DNMT3A: variants seen among roughly 807,000 people sequenced by gnomAD.
The protein encoded by DNMT3A is DNA (cytosine-5)-methyltransferase 3A.
DNMT3A carries 267 observed loss-of-function variants against 117.6 expected under a neutral mutation model. That is an observed-to-expected ratio of 2.27 (90% CI 2.05 to 2.51). DNMT3A has a LOEUF of 2.51. Ranked by LOEUF, DNMT3A falls within the 30% of genes most tolerant of loss-of-function variation. The pLI is 0.00. For synonymous variants in DNMT3A, 432 were observed against 474.8 expected, an observed-to-expected ratio of 0.91 and a Z score of 1.17; for missense variants, 1,029 against 1,260.2, an observed-to-expected ratio of 0.82 and a Z score of 2.78.
chr2:25,286,893 C>T lies in DNMT3A; in HGVS notation c.178-4182G>A, dbSNP rs928711268. Among the ~76,000 whole-genome samples the T allele has an allele frequency of 1.3e-5, 2 of 152,142 alleles. No homozygotes were observed. The highest frequency in any genetic ancestry group is 4.8e-5 in the African/African-American group (2 of 41,364). On this transcript the variant is annotated intron_variant, in intron 3 of 22. Coordinates refer to ENST00000321117, the MANE Select transcript of DNMT3A (RefSeq NM_022552.5). The surrounding 1 kb of genome is among the most constrained non-coding windows in gnomAD (Gnocchi z 4.3). ...AGCCACTCTCCTCCCCTCCTTTCCC[C>T]TGTCTCCACAGCTTGTTGACCTCTG...
rs74580656 is a variant in DNMT3A, at chr2:25,228,920, C to G, written c.*5359G>C. The G allele has an allele frequency of 6.6e-6, 1 of 152,192 alleles. No homozygotes were observed. Among genetic ancestry groups the G allele is most frequent in the East Asian group, 1.9e-4 (1 of 5,194 alleles). The allele number at this position is 152,192 out of a possible 1,614,324, so 9.4% of individuals were successfully genotyped here. Reference sequence around the variant, plus strand: ...TGAGGGAGCCGCCCTCCTCACCCCCCAGTGGAGCTGAGCCAGGGAGCTTTC... The same window carrying G: ...TGAGGGAGCCGCCCTCCTCACCCCCGAGTGGAGCTGAGCCAGGGAGCTTTC... On this transcript the variant is annotated 3_prime_UTR_variant, in exon 23 of 23. Coordinates refer to ENST00000321117, the MANE Select transcript of DNMT3A (RefSeq NM_022552.5).
At chr2:25,284,481 C>A (rs2032133357) in intron 3 of DNMT3A, among the ~76,000 whole-genome samples, 1 of 151,376 alleles carries the variant, frequency 6.6e-6, no homozygotes, top group Admixed American at 6.6e-5. Context: ...ATGGCAAAAC[C>A]CTGTTTCTAC....
chr2:25,306,995 A>T lies in DNMT3A; in HGVS notation c.73-6752T>A, dbSNP rs2033812355. 7.2e-6 allele frequency among the ~76,000 whole-genome samples: 1 copy of T among 138,024 alleles called. No individual in the cohort carries two copies. The highest frequency in any genetic ancestry group is 7.1e-5 in the Admixed American group (1 of 14,130). The allele number at this position is 138,024 out of a possible 152,430, so 90.5% of individuals were successfully genotyped here. ...TTAATAGAGGGGAAGATCCAGATAAAACTACTTTGTAGCCGTGTGGCCTCT... is the reference window on the plus strand; with the variant it reads ...TTAATAGAGGGGAAGATCCAGATAATACTACTTTGTAGCCGTGTGGCCTCT... On this transcript the variant is annotated intron_variant, in intron 2 of 22. Transcript: ENST00000321117. This position sits in a 1 kb window ranked among gnomAD's most constrained non-coding sequence, Gnocchi z 4.1.
Position 25,232,119 on chromosome 2 carries a change from C to T in DNMT3A, c.*2160G>A, listed in dbSNP as rs1258652148. On this transcript the variant is annotated 3_prime_UTR_variant, in exon 23 of 23. Transcript: ENST00000321117. The surrounding 1 kb of genome is among the most constrained non-coding windows in gnomAD (Gnocchi z 4.1). Reference sequence around the variant, plus strand: ...CCCCATAATATTTCTTAAACATGACCCTATCTATGTATTTATAGAGCGCCT... The same window carrying T: ...CCCCATAATATTTCTTAAACATGACTCTATCTATGTATTTATAGAGCGCCT... 3.9e-5 allele frequency: 6 copies of T among 152,124 alleles called. No homozygotes were observed. The highest frequency in any genetic ancestry group is 3.9e-4 in the Admixed American group (6 of 15,270). 9.4% of individuals were successfully genotyped at this position (152,124 alleles called of 1,614,324 possible).
chr2:25,263,466 G>C (rs1006324085), intron 6 of DNMT3A, among the ~76,000 whole-genome samples: 1 of 152,098 alleles, frequency 6.6e-6, no homozygotes, highest in South Asian at 2.1e-4. Flanking sequence ...CCCCTACCCC[G>C]CCACTAGCAT....
At chr2:25,320,819 CA>C (rs1302482321) in intron 1 of DNMT3A, among the ~76,000 whole-genome samples, 2 of 152,054 alleles carry the variant, frequency 1.3e-5, no homozygotes, top group Non-Finnish European at 2.9e-5. Flanking sequence ...GTATGTACCA[CA>C]AAATTAATGC....
At chr2:25,239,309 TCTTA>T in intron 19 of DNMT3A, 94 bp from the exon 20 acceptor site, 1 of 1,088,114 alleles carries the variant, frequency 9.2e-7, no homozygotes, top group Non-Finnish European at 1.4e-6. Context: ...CCTCAAAGCC[TCTTA>T]CTTCTCTCTC....
intron 1 of DNMT3A, chr2:25,328,545 A>G: frequency 2.3e-6 from 1 of 438,594 alleles, no homozygotes; most frequent in Non-Finnish European, 4.9e-6. Context: ...TCTCAAAGAG[A>G]CGAGGTCAGA....
intron 4 of DNMT3A, among the ~76,000 whole-genome samples, chr2:25,276,086 C>T (rs993078277): frequency 6.6e-6 from 1 of 152,118 alleles, no homozygotes; most frequent in Non-Finnish European, 1.5e-5. Context: ...AACAAGACCC[C>T]GGTGAAGCAA....
intron 14 of DNMT3A, 101 bp from the exon 15 acceptor site, chr2:25,244,439 G>C: frequency 6.4e-7 from 1 of 1,573,780 alleles, no homozygotes; most frequent in Non-Finnish European, 8.7e-7. Flanking sequence ...AGCATGGCTA[G>C]GGGGTGGAGG....
rs779527004 is a variant in DNMT3A at position 25,247,558 on chromosome 2, C to G, written c.1014+33G>C. ...GGCCCTGGGATCAAGAACCTTCCCC[C>G]ACCCCAGGCTACTGCCAAACCCCAC... On this transcript the variant is annotated intron_variant, in intron 8 of 22. Transcript: ENST00000321117. The surrounding 1 kb of genome is among the most constrained non-coding windows in gnomAD (Gnocchi z 5.6). The G allele has an allele frequency of 3.7e-6, 6 of 1,605,204 alleles. No homozygotes were observed. The East Asian group carries it at 8.9e-5, about 24-fold the overall frequency.
At chr2:25,332,544 A>G (rs1200477152) in intron 1 of DNMT3A, among the ~76,000 whole-genome samples, 1 of 152,228 alleles carries the variant, frequency 6.6e-6, no homozygotes, top group African/African-American at 2.4e-5. Context: ...AGATGAATGG[A>G]TGAACATCAT....
chr2:25,323,234 G>A (rs1026012707), intron 1 of DNMT3A, among the ~76,000 whole-genome samples: 2 of 152,190 alleles, frequency 1.3e-5, no homozygotes, highest in Non-Finnish European at 2.9e-5. Context: ...CCATGTGGGT[G>A]AGCCTGCCTG....
intron 12 of DNMT3A, 107 bp downstream of exon 12, chr2:25,245,913 G>A (rs895495264): frequency 5.8e-6 from 8 of 1,376,358 alleles, no homozygotes; most frequent in South Asian, 1.2e-5. Flanking sequence ...GGTGTGACAC[G>A]CAGGACGTGG....
chr2:25,249,837 C>G lies in DNMT3A; in HGVS notation c.640-1585G>C, dbSNP rs1225389344. ...AGGCTTTGCACCCATTTCCACCATA[C>G]CAGATTTAGAGGGGAGAAAACCCCA... On this transcript the variant is annotated intron_variant, in intron 6 of 22. Coordinates refer to ENST00000321117, the MANE Select transcript of DNMT3A (RefSeq NM_022552.5). 3.2e-6 allele frequency: 4 copies of G among 1,260,516 alleles called. No individual in the cohort carries two copies. The African/African-American group carries it at 5.9e-5, about 19-fold the overall frequency. 78.1% of individuals were successfully genotyped at this position (1,260,516 alleles called of 1,614,324 possible). A position where few individuals can be genotyped will look rare whatever the true frequency, so the allele number is the denominator to read the frequency against.
intron 6 of DNMT3A, among the ~76,000 whole-genome samples, chr2:25,266,246 A>C (rs1346063586): frequency 1.3e-5 from 2 of 152,136 alleles, no homozygotes; most frequent in African/African-American, 4.8e-5. Context: ...TGCTGTGCCT[A>C]CTCCAAACAT....
chr2:25,302,378 G>A (rs935997216), intron 2 of DNMT3A, among the ~76,000 whole-genome samples: 3 of 152,186 alleles, frequency 2.0e-5, no homozygotes, highest in Non-Finnish European at 2.9e-5. Flanking sequence ...AGAGTGACAC[G>A]GCAGTGAGGG....
At chr2:25,276,781 C>T (rs2031450410) in intron 4 of DNMT3A, among the ~76,000 whole-genome samples, 1 of 152,272 alleles carries the variant, frequency 6.6e-6, no homozygotes, top group Admixed American at 6.5e-5. Context: ...GCAGGAAGGT[C>T]ACTAAGGCTG....
intron 3 of DNMT3A, 128 bp downstream of exon 3, chr2:25,300,011 G>A: frequency 1.3e-6 from 1 of 796,274 alleles, no homozygotes; most frequent in Non-Finnish European, 1.9e-6. Flanking sequence ...GCAGCTGGAG[G>A]GGTATACCCC....
Sources: allele counts gnomAD v4.1 joint callset (sites outside exome capture counted in the v4.1 genomes callset), GRCh38; gene constraint gnomAD v4.1.1; non-coding constraint Gnocchi (gnomAD v3.1); transcripts MANE v1.5; gene names NCBI Gene and HGNC (gene_info 2026-07-23, HGNC 2026-07-21).